Variants in CHST9 observed in about 807,000 individuals in gnomAD.
The protein encoded by CHST9 is GalNAc-4-sulfotransferase 2.
Under a neutral mutation model 44.4 loss-of-function variants are expected in CHST9, and 41 were observed. The ratio of observed to expected loss-of-function variants is 0.92; its 90% CI spans 0.72 to 1.20. The LOEUF is 1.20. Among genes scored for constraint, CHST9 ranks in the 50% most tolerant of loss-of-function variants. The pLI is 0.00. For missense variants in CHST9, 504 were observed against 516.5 expected (o/e 0.98, Z 0.23); for synonymous variants, 171 against 178.4 (o/e 0.96, Z 0.33).
intron 4 of CHST9, among the ~76,000 whole-genome samples, chr18:27,017,495 T>A (rs906717201): frequency 6.6e-6 from 1 of 152,240 alleles, no homozygotes. Flanking sequence ...AAGGGGCCTT[T>A]ACAAAGTACA....
chr18:26,945,738 G>T (rs2056152383), intron 4 of CHST9, among the ~76,000 whole-genome samples: 1 of 152,120 alleles, frequency 6.6e-6, no homozygotes, highest in Non-Finnish European at 1.5e-5. Context: ...TTTTGTACAG[G>T]TTATTATGTG....
chr18:27,038,097 A>G (rs373291528), intron 3 of CHST9, among the ~76,000 whole-genome samples: 1 of 152,226 alleles, frequency 6.6e-6, no homozygotes, highest in East Asian at 1.9e-4. Context: ...TATTTAAAAA[A>G]TTGATTATCT....
chr18:27,146,383 C>A (rs1309918753), intron 1 of CHST9, among the ~76,000 whole-genome samples: 1 of 152,138 alleles, frequency 6.6e-6, no homozygotes, highest in African/African-American at 2.4e-5. Flanking sequence ...AGTCCATTAA[C>A]CCAACGTTGG....
chr18:27,024,045 C>T (rs1356426981), intron 4 of CHST9, 71 bp downstream of exon 4: 31 of 1,427,710 alleles, frequency 2.2e-5, no homozygotes, highest in Non-Finnish European at 2.8e-5. Context: ...CTGAGGTTTT[C>T]AGATATTCTA....
intron 1 of CHST9, among the ~76,000 whole-genome samples, chr18:27,159,798 G>C (rs1237339274): frequency 6.6e-6 from 1 of 152,188 alleles, no homozygotes; most frequent in African/African-American, 2.4e-5. Context: ...GCAGTGGTTT[G>C]TAGTTCTCCT....
intron 4 of CHST9, among the ~76,000 whole-genome samples, chr18:26,951,926 C>G (rs1293052500): frequency 6.6e-6 from 1 of 152,174 alleles, no homozygotes. Flanking sequence ...CATGCAGCCA[C>G]CATCTGCTCC....
At chr18:27,131,795 A>G (rs1598745699) in intron 2 of CHST9, among the ~76,000 whole-genome samples, 1 of 152,222 alleles carries the variant, frequency 6.6e-6, no homozygotes, top group Non-Finnish European at 1.5e-5. Flanking sequence ...CAGGCCACTA[A>G]TCTTGCTACA....
chr18:27,000,761 T>C (rs1221923002), intron 4 of CHST9, among the ~76,000 whole-genome samples: 1 of 152,042 alleles, frequency 6.6e-6, no homozygotes, highest in Non-Finnish European at 1.5e-5. Context: ...AAAATAGAGA[T>C]TTAAAAAGAT....
At chr18:27,048,878 A>G (rs2057534622) in intron 2 of CHST9, among the ~76,000 whole-genome samples, 1 of 152,120 alleles carries the variant, frequency 6.6e-6, no homozygotes, top group African/African-American at 2.4e-5. Flanking sequence ...ACAATATAAT[A>G]TGAAGTGAGA....
intron 4 of CHST9, among the ~76,000 whole-genome samples, chr18:26,978,435 G>A (rs1283849887): frequency 3.9e-5 from 6 of 151,968 alleles, no homozygotes; most frequent in Admixed American, 2.0e-4. Context: ...TTCATTTATT[G>A]CCACCCCTCA....
intron 3 of CHST9, among the ~76,000 whole-genome samples, chr18:27,037,691 C>G (rs747320245): frequency 6.6e-6 from 1 of 152,100 alleles, no homozygotes; most frequent in African/African-American, 2.4e-5. Flanking sequence ...CAGAGAGAGA[C>G]CCTGTCTCAA....
chr18:27,091,171 A>G (rs868022504), intron 2 of CHST9, among the ~76,000 whole-genome samples: 3 of 152,110 alleles, frequency 2.0e-5, no homozygotes, highest in South Asian at 4.1e-4. Flanking sequence ...GTCCCTTGTA[A>G]GTTGGATTCC....
chr18:27,017,231 T>C (rs2057165549), intron 4 of CHST9, among the ~76,000 whole-genome samples: 1 of 152,236 alleles, frequency 6.6e-6, no homozygotes, highest in African/African-American at 2.4e-5. Context: ...ACGATATTTC[T>C]GACTTATGAT....
intron 4 of CHST9, among the ~76,000 whole-genome samples, chr18:26,990,253 G>A (rs899033872): frequency 6.6e-6 from 1 of 152,244 alleles, no homozygotes; most frequent in African/African-American, 2.4e-5. Context: ...GGGACACAAG[G>A]AAACTCTTTC....
At chr18:26,979,224 C>A (rs1312828469) in intron 4 of CHST9, among the ~76,000 whole-genome samples, 1 of 152,084 alleles carries the variant, frequency 6.6e-6, no homozygotes, top group Non-Finnish European at 1.5e-5. Context: ...TTGCATCTTT[C>A]TTTCGTTTTA....
intron 1 of CHST9, among the ~76,000 whole-genome samples, chr18:27,167,982 T>C (rs761958694): frequency 1.3e-5 from 2 of 151,822 alleles, no homozygotes; most frequent in East Asian, 1.9e-4. Context: ...CTTAGAAAGA[T>C]AGGCAAAAAG....
chr18:27,120,824 A>G (rs1386647929), intron 2 of CHST9, among the ~76,000 whole-genome samples: 1 of 152,222 alleles, frequency 6.6e-6, no homozygotes, highest in African/African-American at 2.4e-5. Flanking sequence ...AGGAAATGCC[A>G]GTTCTAAAGG....
chr18:27,008,664 C>T (rs995086886), intron 4 of CHST9, among the ~76,000 whole-genome samples: 11 of 151,926 alleles, frequency 7.2e-5, no homozygotes, highest in Non-Finnish European at 1.6e-4. Context: ...GAGTTCCTTG[C>T]GAGGCTAGGA....
intron 2 of CHST9, among the ~76,000 whole-genome samples, chr18:27,108,863 A>G (rs2058245159): frequency 6.6e-6 from 1 of 152,252 alleles, no homozygotes; most frequent in African/African-American, 2.4e-5. Context: ...TTAACAGGAC[A>G]GAGGGTGGAG....
Sources: gnomAD v4.1 joint callset for allele counts (sites outside exome capture counted in the v4.1 genomes callset) on GRCh38, gnomAD v4.1.1 for gene constraint, MANE v1.5 for transcripts, NCBI Gene and HGNC (gene_info 2026-07-23, HGNC 2026-07-21) for gene names.